The following CADM2 variants were observed in gnomAD, a reference collection of about 807,000 sequenced individuals.
CADM2 encodes immunoglobulin superfamily member 4D.
Under a neutral mutation model 49.8 loss-of-function variants are expected in CADM2, and 12 were observed. The observed-to-expected ratio is 0.24, with a 90% confidence interval of 0.15 to 0.39. CADM2 has a LOEUF of 0.39. CADM2 is among the 10% of genes least tolerant of loss of function. CADM2 has a pLI of 1.00. For missense variants in CADM2, 378 were observed against 492.3 expected (o/e 0.77, Z 2.20); for synonymous variants, 214 against 175.4 (o/e 1.22, Z -1.74).
intron 1 of CADM2, among the ~76,000 whole-genome samples, chr3:85,615,376 C>G (rs1458586463): frequency 6.6e-6 from 1 of 151,920 alleles, no homozygotes; most frequent in Non-Finnish European, 1.5e-5. Context: ...ATCTGTCTAG[C>G]CAGTTGTTTT....
intron 1 of CADM2, among the ~76,000 whole-genome samples, chr3:85,139,719 T>G (rs2039520709): frequency 6.6e-6 from 1 of 152,180 alleles, no homozygotes; most frequent in African/African-American, 2.4e-5. Context: ...GGCTATGATA[T>G]CTGATGTTAA....
intron 1 of CADM2, among the ~76,000 whole-genome samples, chr3:85,360,480 A>G (rs1171281712): frequency 1.3e-5 from 2 of 152,184 alleles, no homozygotes; most frequent in Non-Finnish European, 2.9e-5. Context: ...TCATGTATCT[A>G]ATTGCTGGTT....
At position 86,017,954 on chromosome 3, in the gene CADM2, G is replaced by A. The variant is rs369365216; in HGVS notation, c.971-47651G>A. 5.0e-5 allele frequency among the ~76,000 whole-genome samples: 7 copies of A among 138,716 alleles called. No individual in the cohort carries two copies. In the East Asian group the frequency reaches 1.5e-3, roughly 30 times the overall value. 91.0% of individuals were successfully genotyped at this position (138,716 alleles called of 152,430 possible). Reference sequence around the variant, plus strand: ...AGGTTAGTTACATATGTATACATGTGCCATGCTGGTGCGCTGCACCCACTA... The same window carrying A: ...AGGTTAGTTACATATGTATACATGTACCATGCTGGTGCGCTGCACCCACTA... On this transcript the variant is annotated intron_variant, in intron 8 of 9. Coordinates refer to ENST00000383699, the MANE Select transcript of CADM2 (RefSeq NM_001167675.2).
At chr3:85,209,035 A>G (rs1450542836) in intron 1 of CADM2, among the ~76,000 whole-genome samples, 2 of 152,198 alleles carry the variant, frequency 1.3e-5, no homozygotes, top group Non-Finnish European at 2.9e-5. Context: ...AACACAGACA[A>G]GAAATGGAAG....
chr3:85,461,838 C>A lies in CADM2; in HGVS notation c.62-264684C>A, dbSNP rs186783262. ...ATTGCTATCTAATTAATGCCAACAT[C>A]TATATCCTGAAAACTTAGATTCAGA... On this transcript the variant is annotated intron_variant, in intron 1 of 9. Transcript: ENST00000383699. Among the ~76,000 whole-genome samples the A allele has an allele frequency of 1.6e-3, 239 of 152,202 alleles. 5 individuals are homozygous for A. The South Asian group carries it at 0.04, about 25-fold the overall frequency.
intron 1 of CADM2, among the ~76,000 whole-genome samples, chr3:85,593,344 A>G (rs528744715): frequency 2.0e-5 from 3 of 152,092 alleles, no homozygotes; most frequent in South Asian, 4.1e-4. Flanking sequence ...AGAAAAATCA[A>G]AGCAAGATTT....
At chr3:85,415,390 A>G (rs2035871599) in intron 1 of CADM2, among the ~76,000 whole-genome samples, 1 of 147,484 alleles carries the variant, frequency 6.8e-6, no homozygotes, top group South Asian at 2.2e-4. Flanking sequence ...AGTGATTCTG[A>G]TGAAAGTACG....
intron 8 of CADM2, among the ~76,000 whole-genome samples, chr3:86,043,922 C>A (rs1736287478): frequency 6.6e-6 from 1 of 152,218 alleles, no homozygotes; most frequent in South Asian, 2.1e-4. Flanking sequence ...CTACAACCAT[C>A]TGATCTTTGA....
At chr3:85,187,745 G>A (rs1297222179) in intron 1 of CADM2, among the ~76,000 whole-genome samples, 1 of 151,946 alleles carries the variant, frequency 6.6e-6, no homozygotes, top group Non-Finnish European at 1.5e-5. Context: ...TTTAAAAAAG[G>A]CACTTTTTCT....
intron 1 of CADM2, among the ~76,000 whole-genome samples, chr3:85,277,341 T>G (rs983994413): frequency 2.0e-5 from 3 of 151,314 alleles, no homozygotes; most frequent in African/African-American, 7.3e-5. Flanking sequence ...TCAATCTTCC[T>G]CTCCCTAAAA....
chr3:85,859,224 C>CTTTTTTTT lies in CADM2; in HGVS notation c.239-24048_239-24041dup, dbSNP rs397990427. 6.1e-4 allele frequency among the ~76,000 whole-genome samples: 43 copies of CTTTTTTTT among 70,604 alleles called. 3 individuals carry two copies. Among genetic ancestry groups the CTTTTTTTT allele is most frequent in the East Asian group, 2.7e-3 (5 of 1,876 alleles). 46.3% of individuals were successfully genotyped at this position (70,604 alleles called of 152,430 possible). A position where few individuals can be genotyped will look rare whatever the true frequency, so the allele number is the denominator to read the frequency against. The stretch of plus-strand genomic sequence containing the variant: ...TACCTTGTGCTTTTCTTTTTTTTGT[C>CTTTTTTTT]TTTTTTTTTTTTTTTTTTTTTTTTT... On this transcript the variant is annotated intron_variant, in intron 3 of 9. Transcript: ENST00000383699.
chr3:85,064,375 A>C (rs942032046), intron 1 of CADM2, among the ~76,000 whole-genome samples: 2 of 152,116 alleles, frequency 1.3e-5, no homozygotes, highest in African/African-American at 4.8e-5. Context: ...ATTTTGCCCC[A>C]AAATGATTAA....
chr3:85,888,588 A>G (rs533715461), intron 5 of CADM2, among the ~76,000 whole-genome samples: 2 of 152,226 alleles, frequency 1.3e-5, no homozygotes, highest in Non-Finnish European at 2.9e-5. Context: ...CTACACTTGC[A>G]TCTATCTATC....
At chr3:85,959,942 A>T (rs970339986) in intron 7 of CADM2, among the ~76,000 whole-genome samples, 10 of 151,924 alleles carry the variant, frequency 6.6e-5, no homozygotes, top group African/African-American at 2.2e-4. Context: ...ATATGACTGT[A>T]TAAACGTCTT....
At chr3:85,753,892 A>G (rs1302466847) in intron 2 of CADM2, among the ~76,000 whole-genome samples, 1 of 152,174 alleles carries the variant, frequency 6.6e-6, no homozygotes, top group Non-Finnish European at 1.5e-5. Context: ...AAAGTAAAGT[A>G]AACTTGGAAG....
intron 3 of CADM2, among the ~76,000 whole-genome samples, chr3:85,844,534 C>A (rs1012191413): frequency 1.3e-5 from 2 of 152,094 alleles, no homozygotes; most frequent in Non-Finnish European, 2.9e-5. Context: ...ATGCAACTTT[C>A]TGTTCAGTCA....
At chr3:84,989,681 C>A (rs911008890) in intron 1 of CADM2, among the ~76,000 whole-genome samples, 3 of 152,006 alleles carry the variant, frequency 2.0e-5, no homozygotes, top group African/African-American at 7.2e-5. Flanking sequence ...CACTAAATTG[C>A]ATGAGATTTT....
chr3:86,005,421 G>T (rs986562177), intron 8 of CADM2, among the ~76,000 whole-genome samples: 2 of 151,820 alleles, frequency 1.3e-5, no homozygotes, highest in African/African-American at 4.8e-5. Flanking sequence ...AGTGGTGACA[G>T]GCGCCTGTAA....
intron 1 of CADM2, among the ~76,000 whole-genome samples, chr3:85,070,914 A>G (rs1312987001): frequency 1.3e-5 from 2 of 151,848 alleles, no homozygotes. Flanking sequence ...GCGTGAACCC[A>G]GGAGGCGGAA....
Sources: allele counts gnomAD v4.1 joint callset (sites outside exome capture counted in the v4.1 genomes callset), GRCh38; gene constraint gnomAD v4.1.1; transcripts MANE v1.5; gene names NCBI Gene and HGNC (gene_info 2026-07-23, HGNC 2026-07-21).